Variants in BMP10 observed in about 807,000 individuals in gnomAD.
BMP10 encodes bone morphogenetic protein 10.
Under a neutral mutation model 29.9 loss-of-function variants are expected in BMP10, and 9 were observed. That is an observed-to-expected ratio of 0.30 (90% CI 0.18 to 0.53). The LOEUF (loss-of-function observed/expected upper bound fraction) is 0.53, where lower values mean the gene tolerates loss of function less well. Among genes scored for constraint, BMP10 ranks in the 20% least tolerant of loss-of-function variants. BMP10 has a pLI of 0.96. For synonymous variants in BMP10, 202 were observed against 200.2 expected (o/e 1.01, Z -0.07); for missense variants, 474 against 524.3 (o/e 0.90, Z 0.94).
chr2:68,864,941 T>A lies in BMP10; in HGVS notation c.*690A>T, dbSNP rs1396585036. ...CAGATTTCATGCTGGTTTCTTCTGT[T>A]TTCCTGCCTTGACCAGGAGTTGCCC... On this transcript the variant is annotated 3_prime_UTR_variant, in exon 2 of 2. Coordinates refer to ENST00000295379, the MANE Select transcript of BMP10 (RefSeq NM_014482.3). Among the ~76,000 whole-genome samples, 1 of 152,166 alleles carries A rather than the reference T, an allele frequency of 6.6e-6. No homozygotes were observed. The highest frequency in any genetic ancestry group is 1.5e-5 in the Non-Finnish European group (1 of 68,034).
Position 68,862,396 on chromosome 2 carries a change from A to T in BMP10, c.*3235T>A, listed in dbSNP as rs1022458348. On this transcript the variant is annotated 3_prime_UTR_variant, in exon 2 of 2. Coordinates refer to ENST00000295379, the MANE Select transcript of BMP10 (RefSeq NM_014482.3). Reference sequence around the variant, plus strand: ...CTGAAGCCCAGAAGACTCTCTATCCAAAAGGGAATCACAGACATAAAAATA... The same window carrying T: ...CTGAAGCCCAGAAGACTCTCTATCCTAAAGGGAATCACAGACATAAAAATA... Among the ~76,000 whole-genome samples, 1 of 152,226 alleles carries T rather than the reference A, an allele frequency of 6.6e-6. No individual in the cohort carries two copies. Among genetic ancestry groups the T allele is most frequent in the African/African-American group, 2.4e-5 (1 of 41,464 alleles).
rs995075611 is a variant in BMP10 at position 68,864,943 on chromosome 2, T to C, written c.*688A>G. Among the ~76,000 whole-genome samples, 1 of 152,206 alleles carries C rather than the reference T, an allele frequency of 6.6e-6. No homozygotes were observed. The highest frequency in any genetic ancestry group is 1.5e-5 in the Non-Finnish European group (1 of 68,036). ...GATTTCATGCTGGTTTCTTCTGTTTTCCTGCCTTGACCAGGAGTTGCCCTC... is the reference window on the plus strand; with the variant it reads ...GATTTCATGCTGGTTTCTTCTGTTTCCCTGCCTTGACCAGGAGTTGCCCTC... On this transcript the variant is annotated 3_prime_UTR_variant, in exon 2 of 2. Coordinates refer to ENST00000295379, the MANE Select transcript of BMP10 (RefSeq NM_014482.3).
In BMP10 at chr2:68,866,311, C is replaced by T. The variant is rs775254780; in HGVS notation, c.595G>A (p.Glu199Lys). 3 of 1,614,036 alleles carry T rather than the reference C, an allele frequency of 1.9e-6. No homozygotes were observed. Among genetic ancestry groups the T allele is most frequent in the Non-Finnish European group, 1.7e-6 (2 of 1,179,974 alleles). The change falls in exon 2 of 2, where the codon GAG (glutamate) becomes AAG (lysine). Residue 199 changes from glutamate to lysine, a missense_variant. Around this residue, in one of 2 missense-constraint regions of BMP10, gnomAD observed 408 missense variants for 415.3 expected, o/e 0.98. Transcript: ENST00000295379. The stretch of plus-strand genomic sequence containing the variant: ...ATGGCATCTGTGACATCAAAAGTCT[C>T]CCACTCACTGTTGGTTCCATATATC... Reference protein sequence around the residue: ...GEIYGTNSEWETFDVTDAIRR... With the variant: ...GEIYGTNSEWKTFDVTDAIRR...
intron 1 of BMP10, among the ~76,000 whole-genome samples, chr2:68,870,482 C>T (rs1683045981): frequency 6.6e-6 from 1 of 152,192 alleles, no homozygotes; most frequent in African/African-American, 2.4e-5. Context: ...CATCAAACAA[C>T]ACAGCCTTAG....
At chr2:68,869,836 G>A (rs531789045) in intron 1 of BMP10, among the ~76,000 whole-genome samples, 156 of 152,300 alleles carry the variant, frequency 1.0e-3, no homozygotes, top group African/African-American at 3.6e-3. Flanking sequence ...ATTTATTCCA[G>A]TACCTAGAAT....
chr2:68,867,613 A>C (rs900559316), intron 1 of BMP10, among the ~76,000 whole-genome samples: 2 of 152,154 alleles, frequency 1.3e-5, no homozygotes, highest in Non-Finnish European at 2.9e-5. Flanking sequence ...GCTCCTGCAC[A>C]CTTGCCTCAG....
Position 68,866,172 on chromosome 2 carries a change from G to T in BMP10, c.734C>A (p.Ala245Asp). 1.2e-6 allele frequency: 2 copies of T among 1,613,936 alleles called. No individual in the cohort carries two copies. Among genetic ancestry groups the T allele is most frequent in the Non-Finnish European group, 1.7e-6 (2 of 1,179,944 alleles). The change falls in exon 2 of 2, where the codon GCC becomes GAC. Residue 245 changes from alanine (A) to aspartate (D), a missense_variant. This residue lies in a region of BMP10 where 408 missense variants were observed against 415.3 expected (regional missense o/e 0.98). Transcript: ENST00000295379. ...SSGRLEIDTS[A>D]QNKHNPLLIV... ...GAGCAAAGGGTTATGCTTATTCTGG[G>T]CACTGGTATCTATTTCTAGCCGTCC...
rs140776070 is a variant in BMP10 at position 68,865,915 on chromosome 2, C to T, written c.991G>A (p.Asp331Asn). 1.7e-5 allele frequency: 28 copies of T among 1,613,900 alleles called. No homozygotes were observed. The highest frequency in any genetic ancestry group is 6.7e-5 in the African/African-American group (5 of 74,886). Residue 331 changes from aspartate to asparagine, a missense_variant, in exon 2 of 2, where the codon GAC becomes AAC. This residue lies in a region of BMP10 where 408 missense variants were observed against 415.3 expected (regional missense o/e 0.98). Coordinates refer to ENST00000295379, the MANE Select transcript of BMP10 (RefSeq NM_014482.3). The surrounding 1 kb of genome is among the most constrained non-coding windows in gnomAD (Gnocchi z 4.7). ...GAGTCCCACCCAATCTCCTTGAAGT[C>T]GATGTAGAGCGGGGTCCTCTTACAG... ...NYCKRTPLYIDFKEIGWDSWI... is the reference protein window; with the variant it reads ...NYCKRTPLYINFKEIGWDSWI...
rs1243813204 is a variant in BMP10, at chr2:68,862,225, G to T, written c.*3406C>A. On this transcript the variant is annotated 3_prime_UTR_variant, in exon 2 of 2. Transcript: ENST00000295379. The stretch of plus-strand genomic sequence containing the variant: ...TACAAATCAGAAAATATACTACAAA[G>T]CATGCTTGTAGGCACAGCATGCCTG... 6.6e-6 allele frequency among the ~76,000 whole-genome samples: 1 copy of T among 152,078 alleles called. No homozygotes were observed. Among genetic ancestry groups the T allele is most frequent in the Non-Finnish European group, 1.5e-5 (1 of 68,036 alleles).
Position 68,869,664 on chromosome 2 carries a change from A to G in BMP10, c.334+1361T>C, listed in dbSNP as rs540899289. On this transcript the variant is annotated intron_variant, in intron 1 of 1. Coordinates refer to ENST00000295379, the MANE Select transcript of BMP10 (RefSeq NM_014482.3). ...GAGAAGTATTAGGGAGGGTTCTTAC[A>G]GGAGGAAGTTGTTCATTTTCAATTC... Among the ~76,000 whole-genome samples the G allele has an allele frequency of 1.3e-4, 20 of 152,324 alleles. No homozygotes were observed. The East Asian group carries it at 2.9e-3, about 22-fold the overall frequency.
In BMP10 at chr2:68,866,243, C is replaced by A; in HGVS notation, c.663G>T (p.Glu221Asp). 1 of 1,614,026 alleles carries A rather than the reference C, an allele frequency of 6.2e-7. No individual in the cohort carries two copies. Among genetic ancestry groups the A allele is most frequent in the Non-Finnish European group, 8.5e-7 (1 of 1,179,976 alleles). Residue 221 changes from glutamate to aspartate, a missense_variant, in exon 2 of 2, where the codon GAG (glutamate) becomes GAT (aspartate). Physicochemically the swap from Glu to Asp is conservative, Grantham distance 45. Around this residue, in one of 2 missense-constraint regions of BMP10, gnomAD observed 408 missense variants for 415.3 expected, o/e 0.98. Transcript: ENST00000295379. Reference sequence around the variant, plus strand: ...CATCGTGTTTGCTCTCAATGTGGACCTCCAGCTGGTGGGTGGATGAGCCTG... The same window carrying A: ...CATCGTGTTTGCTCTCAATGTGGACATCCAGCTGGTGGGTGGATGAGCCTG... The part of the protein sequence containing the change: ...QKSGSSTHQL[E>D]VHIESKHDEA...
rs1453310293 is a variant in BMP10, at chr2:68,863,035, C to T, written c.*2596G>A. ...TTCTCCAGAAGCCCGGAGCCAGCAG[C>T]GCACACAGTGGAAAGCAGGGCTGGC... On this transcript the variant is annotated 3_prime_UTR_variant, in exon 2 of 2. Transcript: ENST00000295379. Among the ~76,000 whole-genome samples, 1 of 152,164 alleles carries T rather than the reference C, an allele frequency of 6.6e-6. No homozygotes were observed. The highest frequency in any genetic ancestry group is 1.5e-5 in the Non-Finnish European group (1 of 68,022).
At position 68,865,746 on chromosome 2, in the gene BMP10, G is replaced by A. The variant is rs534682316; in HGVS notation, c.1160C>T (p.Ala387Val). ...CTCTAGCTTTGTGGGCACACAGCAG[G>A]CTTTGGAAGCTTTCTGGGAATTCTT... ...HLKNSQKASK[A>V]CCVPTKLEPI... Residue 387 changes from alanine (A) to valine (V), a missense_variant, in exon 2 of 2, where the codon GCC becomes GTC. Coordinates refer to ENST00000295379, the MANE Select transcript of BMP10 (RefSeq NM_014482.3). The surrounding 1 kb of genome is among the most constrained non-coding windows in gnomAD (Gnocchi z 4.7). 1 of 1,614,122 alleles carries A rather than the reference G, an allele frequency of 6.2e-7. No homozygotes were observed. The highest frequency in any genetic ancestry group is 8.5e-7 in the Non-Finnish European group (1 of 1,179,986).
chr2:68,863,174 T>C lies in BMP10; in HGVS notation c.*2457A>G, dbSNP rs1435329431. Among the ~76,000 whole-genome samples the C allele has an allele frequency of 6.6e-6, 1 of 152,122 alleles. No individual in the cohort carries two copies. Among genetic ancestry groups the C allele is most frequent in the East Asian group, 1.9e-4 (1 of 5,190 alleles). The stretch of plus-strand genomic sequence containing the variant: ...AGTGCACAGCTCCCAAGAGCTGACT[T>C]AGGTTTTAGAAGTTTTGCAAGCCAG... On this transcript the variant is annotated 3_prime_UTR_variant, in exon 2 of 2. Coordinates refer to ENST00000295379, the MANE Select transcript of BMP10 (RefSeq NM_014482.3).
intron 1 of BMP10, among the ~76,000 whole-genome samples, chr2:68,869,777 A>C (rs1683035664): frequency 6.6e-6 from 1 of 152,188 alleles, no homozygotes; most frequent in Non-Finnish European, 1.5e-5. Flanking sequence ...CAGCCAACTC[A>C]ATTTTAAAGG....
chr2:68,864,438 A>G lies in BMP10; in HGVS notation c.*1193T>C, dbSNP rs1431027730. On this transcript the variant is annotated 3_prime_UTR_variant, in exon 2 of 2. Coordinates refer to ENST00000295379, the MANE Select transcript of BMP10 (RefSeq NM_014482.3). ...ATCACGGGAAGATTTAGAAATTAGA[A>G]CACTAACTCCTTTCACCCTGAGAGC... Among the ~76,000 whole-genome samples the G allele has an allele frequency of 6.6e-6, 1 of 152,206 alleles. No individual in the cohort carries two copies. The highest frequency in any genetic ancestry group is 1.5e-5 in the Non-Finnish European group (1 of 68,030).
intron 1 of BMP10, among the ~76,000 whole-genome samples, chr2:68,868,474 C>A (rs1047351863): frequency 3.9e-5 from 6 of 152,170 alleles, no homozygotes; most frequent in African/African-American, 1.4e-4. Flanking sequence ...AGATTGCCAT[C>A]CTCCTGGTTT....
rs1292115243 is a variant in BMP10 at position 68,863,472 on chromosome 2, T to C, written c.*2159A>G. Among the ~76,000 whole-genome samples, 2 of 152,184 alleles carry C rather than the reference T, an allele frequency of 1.3e-5. No homozygotes were observed. Among genetic ancestry groups the C allele is most frequent in the Non-Finnish European group, 2.9e-5 (2 of 68,032 alleles). On this transcript the variant is annotated 3_prime_UTR_variant, in exon 2 of 2. Transcript: ENST00000295379. ...GTATGTGAGTATACATTGTGTACCATGGAGTATGAAGGATGCACCACGTTC... is the reference window on the plus strand; with the variant it reads ...GTATGTGAGTATACATTGTGTACCACGGAGTATGAAGGATGCACCACGTTC...
Position 68,865,473 on chromosome 2 carries a change from T to C in BMP10, c.*158A>G. The C allele has an allele frequency of 1.4e-6, 1 of 738,504 alleles. No homozygotes were observed. Among genetic ancestry groups the C allele is most frequent in the South Asian group, 2.1e-5 (1 of 48,108 alleles). The allele number at this position is 738,504 out of a possible 1,614,324, so 45.7% of individuals were successfully genotyped here. On this transcript the variant is annotated 3_prime_UTR_variant, in exon 2 of 2. Transcript: ENST00000295379. The surrounding 1 kb of genome is among the most constrained non-coding windows in gnomAD (Gnocchi z 4.7). ...GAAAACAGATTGAAAGGGACTTAAC[T>C]GGAGAGGAAAATATGCATTTCCTAC...
Sources: allele counts gnomAD v4.1 joint callset (sites outside exome capture counted in the v4.1 genomes callset), GRCh38; gene constraint gnomAD v4.1.1; regional missense constraint gnomAD v4.1.1; non-coding constraint Gnocchi (gnomAD v3.1); transcripts MANE v1.5; gene names NCBI Gene and HGNC (gene_info 2026-07-23, HGNC 2026-07-21).